Variants in PLGRKT observed in about 807,000 individuals in gnomAD.
PLGRKT encodes plasminogen receptor with a C-terminal lysine, also known as plasminogen receptor (KT).
A neutral mutation model predicts 18.5 loss-of-function variants in PLGRKT; 22 were observed. The observed-to-expected ratio is 1.19, with a 90% CI of 0.85 to 1.70. The LOEUF is 1.70. Ranked by LOEUF, PLGRKT falls within the 40% of genes most tolerant of loss-of-function variation. The probability of loss-of-function intolerance (pLI) is 0.00; values close to 1 mark genes in which losing one functional copy is unlikely to be tolerated. For synonymous variants in PLGRKT, 72 were observed against 52.8 expected (o/e 1.36, Z -1.58); for missense variants, 235 against 174.4 (o/e 1.35, Z -1.96).
At chr9:5,375,765 T>C (rs532766883) in intron 3 of PLGRKT, among the ~76,000 whole-genome samples, 1 of 152,330 alleles carries the variant, frequency 6.6e-6, no homozygotes, top group East Asian at 1.9e-4. Flanking sequence ...TGTAAAATGA[T>C]GCAGTTGCTG....
intron 3 of PLGRKT, among the ~76,000 whole-genome samples, chr9:5,375,442 A>G (rs1177471466): frequency 1.3e-5 from 2 of 152,204 alleles, no homozygotes; most frequent in African/African-American, 4.8e-5. Flanking sequence ...TGTGCCCAGT[A>G]TCAAATAAAA....
At chr9:5,394,980 G>T (rs984431262) in intron 3 of PLGRKT, among the ~76,000 whole-genome samples, 2 of 151,716 alleles carry the variant, frequency 1.3e-5, no homozygotes, top group Admixed American at 1.3e-4. Context: ...TTGCAGCAAG[G>T]CTACCCAAGC....
At chr9:5,414,699 T>C (rs1818426097) in intron 3 of PLGRKT, among the ~76,000 whole-genome samples, 1 of 152,158 alleles carries the variant, frequency 6.6e-6, no homozygotes, top group African/African-American at 2.4e-5. Flanking sequence ...AACATGCAAA[T>C]AACGTCCTCT....
At chr9:5,396,854 G>C (rs1461792457) in intron 3 of PLGRKT, among the ~76,000 whole-genome samples, 3 of 151,862 alleles carry the variant, frequency 2.0e-5, no homozygotes, top group Non-Finnish European at 2.9e-5. Context: ...CTCCAACAAA[G>C]ACTGGAACAA....
Position 5,358,264 on chromosome 9 carries a change from T to G in PLGRKT, c.419A>C (p.Gln140Pro). 1 of 1,609,850 alleles carries G rather than the reference T, an allele frequency of 6.2e-7. No homozygotes were observed. Among genetic ancestry groups the G allele is most frequent in the Non-Finnish European group, 8.5e-7 (1 of 1,176,278 alleles). ...TCATTTGTCTATGAAGAATCTACTC[T>G]GTTCCTTTCTGGCTTTTTCAATGCT... The part of the protein sequence containing the change: ...FESIEKARKE[Q>P]SRFFIDK The change falls in exon 6 of 6, where the codon CAG (glutamine) becomes CCG (proline). Residue 140 changes from glutamine (Q) to proline (P), a missense_variant. Coordinates refer to ENST00000223864, the MANE Select transcript of PLGRKT (RefSeq NM_018465.4).
intron 2 of PLGRKT, among the ~76,000 whole-genome samples, chr9:5,435,356 C>G (rs979546289): frequency 5.4e-5 from 8 of 148,966 alleles, no homozygotes; most frequent in African/African-American, 1.2e-4. Context: ...ATTGAGCTGT[C>G]TCAAGGTCAG....
At chr9:5,407,803 T>G (rs10283755) in intron 3 of PLGRKT, among the ~76,000 whole-genome samples, 1 of 152,036 alleles carries the variant, frequency 6.6e-6, no homozygotes, top group Non-Finnish European at 1.5e-5. Flanking sequence ...TTAAAAATAG[T>G]AACATTTGAC....
In PLGRKT at chr9:5,434,182, G is replaced by A. The variant is rs546392643; in HGVS notation, c.-6-2199C>T. ...AAGTGAGGAGCGCCTCTGCCCGGCCGCCACCCCGTCTGGGAGGTGAGGGGT... is the reference window on the plus strand; with the variant it reads ...AAGTGAGGAGCGCCTCTGCCCGGCCACCACCCCGTCTGGGAGGTGAGGGGT... On this transcript the variant is annotated intron_variant, in intron 2 of 5. Transcript: ENST00000223864. Among the ~76,000 whole-genome samples the A allele has an allele frequency of 2.0e-3, 287 of 145,268 alleles. 4 individuals carry two copies. Among genetic ancestry groups the A allele is most frequent in the African/African-American group, 7.2e-3 (280 of 38,644 alleles).
At chr9:5,405,226 T>C (rs1165658715) in intron 3 of PLGRKT, among the ~76,000 whole-genome samples, 4 of 152,152 alleles carry the variant, frequency 2.6e-5, no homozygotes, top group Non-Finnish European at 4.4e-5. Context: ...TAAATTACCA[T>C]TGACATTCTT....
intron 3 of PLGRKT, chr9:5,382,047 T>C (rs151003385): frequency 1.5e-4 from 145 of 979,124 alleles, no homozygotes; most frequent in African/African-American, 1.4e-3. Context: ...AAAAAAGTCA[T>C]ATTAGCCTCA....
At chr9:5,415,147 G>C (rs1177090394) in intron 3 of PLGRKT, among the ~76,000 whole-genome samples, 1 of 152,102 alleles carries the variant, frequency 6.6e-6, no homozygotes, top group Non-Finnish European at 1.5e-5. Context: ...GGCATATATT[G>C]TGATCACAGA....
chr9:5,418,697 G>T lies in PLGRKT; in HGVS notation c.81+13200C>A, dbSNP rs1818512812. On this transcript the variant is annotated intron_variant, in intron 3 of 5. Coordinates refer to ENST00000223864, the MANE Select transcript of PLGRKT (RefSeq NM_018465.4). The surrounding 1 kb of genome is among the most constrained non-coding windows in gnomAD (Gnocchi z 4.2). Reference sequence around the variant, plus strand: ...GGCAGCATGTAGCACCCACTGCCGGGAAGTCTGATGAAGACCGGCATGTGC... The same window carrying T: ...GGCAGCATGTAGCACCCACTGCCGGTAAGTCTGATGAAGACCGGCATGTGC... The T allele has an allele frequency of 3.0e-6, 2 of 660,256 alleles. No individual in the cohort carries two copies. The highest frequency in any genetic ancestry group is 5.6e-6 in the Non-Finnish European group (2 of 354,070). 40.9% of individuals were successfully genotyped at this position (660,256 alleles called of 1,614,324 possible).
At chr9:5,376,767 T>G (rs984836109) in intron 3 of PLGRKT, among the ~76,000 whole-genome samples, 1 of 152,214 alleles carries the variant, frequency 6.6e-6, no homozygotes, top group Non-Finnish European at 1.5e-5. Context: ...CATTTCTGTA[T>G]ATACATACAC....
At chr9:5,402,206 G>A (rs1209789799) in intron 3 of PLGRKT, among the ~76,000 whole-genome samples, 4 of 151,792 alleles carry the variant, frequency 2.6e-5, no homozygotes, top group Non-Finnish European at 4.4e-5. Flanking sequence ...TGTTTGATTA[G>A]TGTCAACAGA....
rs563643851 is a variant in PLGRKT at position 5,408,002 on chromosome 9, C to T, written c.81+23895G>A. ...TATATAGACAACTCTATTGTAAGTC[C>T]AGGACATGGAATTTAACAGAAGCCC... is the stretch of plus-strand genomic sequence containing the variant. On this transcript the variant is annotated intron_variant, in intron 3 of 5. Coordinates refer to ENST00000223864, the MANE Select transcript of PLGRKT (RefSeq NM_018465.4). Among the ~76,000 whole-genome samples the T allele has an allele frequency of 5.3e-5, 8 of 152,206 alleles. No individual in the cohort carries two copies. The South Asian group carries it at 1.7e-3, about 32-fold the overall frequency.
At chr9:5,391,825 A>C (rs886909431) in intron 3 of PLGRKT, among the ~76,000 whole-genome samples, 3 of 151,870 alleles carry the variant, frequency 2.0e-5, no homozygotes, top group Admixed American at 6.6e-5. Flanking sequence ...TCTCTGTAGG[A>C]ATTAGGGGAA....
chr9:5,399,323 A>T (rs750589891), intron 3 of PLGRKT, among the ~76,000 whole-genome samples: 3 of 151,944 alleles, frequency 2.0e-5, no homozygotes, highest in Non-Finnish European at 1.5e-5. Context: ...CCTCTCCTAC[A>T]GTAGTTTCCC....
At chr9:5,408,013 A>C (rs1236768234) in intron 3 of PLGRKT, among the ~76,000 whole-genome samples, 1 of 152,236 alleles carries the variant, frequency 6.6e-6, no homozygotes, top group Non-Finnish European at 1.5e-5. Context: ...AGGACATGGA[A>C]TTTAACAGAA....
At chr9:5,394,409 T>TTTTG (rs1036846922) in intron 3 of PLGRKT, among the ~76,000 whole-genome samples, 2 of 151,836 alleles carry the variant, frequency 1.3e-5, no homozygotes, top group Admixed American at 1.3e-4. Flanking sequence ...ATGAGAAGTT[T>TTTTG]TTTGTTTGTT....
Sources: allele counts gnomAD v4.1 joint callset (sites outside exome capture counted in the v4.1 genomes callset), GRCh38; gene constraint gnomAD v4.1.1; non-coding constraint Gnocchi (gnomAD v3.1); transcripts MANE v1.5; gene names NCBI Gene and HGNC (gene_info 2026-07-23, HGNC 2026-07-21).